EPG5: variants seen among roughly 807,000 people sequenced by gnomAD.
The protein encoded by EPG5 is ectopic P granules protein 5 homolog.
A neutral mutation model predicts 302.7 loss-of-function variants in EPG5; 159 were observed. That is an observed-to-expected ratio of 0.53 (90% CI 0.46 to 0.60). The LOEUF is 0.60. Ranked by LOEUF, EPG5 falls within the 20% of genes least tolerant of loss-of-function variation. EPG5 has a pLI of 0.00. For synonymous variants in EPG5, 1,158 were observed against 1,136.8 expected (o/e 1.02, Z -0.37); for missense variants, 2,896 against 3,092.4 (o/e 0.94, Z 1.51).
At chr18:45,903,262 T>C (rs536883253) in intron 25 of EPG5, among the ~76,000 whole-genome samples, 30 of 152,172 alleles carry the variant, frequency 2.0e-4, no homozygotes, top group Non-Finnish European at 2.5e-4. Context: ...GAAAAAAAAT[T>C]ATTGTTTCAA....
chr18:45,866,063 T>G (rs2048739733), intron 38 of EPG5, among the ~76,000 whole-genome samples: 1 of 152,090 alleles, frequency 6.6e-6, no homozygotes, highest in African/African-American at 2.4e-5. Flanking sequence ...TTCCAAAAAC[T>G]TTTATGTTCA....
intron 11 of EPG5, 112 bp from the exon 12 acceptor site, chr18:45,930,942 T>G (rs919888975): frequency 9.4e-7 from 1 of 1,064,084 alleles, no homozygotes; most frequent in African/African-American, 1.7e-5. Flanking sequence ...AAGGTCTTTC[T>G]TTGTTCCAAA....
intron 1 of EPG5, among the ~76,000 whole-genome samples, chr18:45,960,023 A>G (rs567091162): frequency 6.6e-6 from 1 of 152,180 alleles, no homozygotes; most frequent in South Asian, 2.1e-4. Context: ...AGTGGCTCAC[A>G]CGTGTAATCC....
At position 45,954,682 on chromosome 18, in the gene EPG5, C is replaced by G; in HGVS notation, c.720G>C (p.Glu240Asp). The change falls in exon 2 of 44, where the codon GAG becomes GAC. Residue 240 changes from glutamate to aspartate, a missense_variant. This residue lies in a region of EPG5 where 1,390 missense variants were observed against 1,430.0 expected (regional missense o/e 0.97). Coordinates refer to ENST00000282041, the MANE Select transcript of EPG5 (RefSeq NM_020964.3). ...GAGACGGGAGTTCTGGGTAGAGTCGCTCACTGCGAAGCAAGGGTTTCACTG... is the reference window on the plus strand; with the variant it reads ...GAGACGGGAGTTCTGGGTAGAGTCGGTCACTGCGAAGCAAGGGTTTCACTG... ...LVAVKPLLRS[E>D]RLYPELPSQL... is the part of the protein sequence containing the mutation. The G allele has an allele frequency of 1.2e-6, 2 of 1,614,240 alleles. No individual in the cohort carries two copies. Among genetic ancestry groups the G allele is most frequent in the South Asian group, 2.2e-5 (2 of 91,086 alleles).
intron 11 of EPG5, among the ~76,000 whole-genome samples, chr18:45,932,393 A>T (rs2145829351): frequency 6.6e-6 from 1 of 152,346 alleles, no homozygotes; most frequent in East Asian, 1.9e-4. Context: ...CCAAATTAAA[A>T]CAGACTGGTT....
chr18:45,842,082 C>G, the EPG5 span: 4 of 1,611,506 alleles, frequency 2.5e-6, no homozygotes, highest in South Asian at 4.4e-5. Context: ...TTTGGATGAT[C>G]ATTCAACTTT....
chr18:45,857,065 C>G (rs906016910), intron 42 of EPG5, among the ~76,000 whole-genome samples: 4 of 151,862 alleles, frequency 2.6e-5, no homozygotes, highest in Admixed American at 6.6e-5. Flanking sequence ...ACTACAGGTG[C>G]TTGCCACCAC....
Position 45,879,175 on chromosome 18 carries a change from T to C in EPG5, c.5707A>G (p.Lys1903Glu). ...AAGTCCATCTTGGATAACCGAAGCT[T>C]ATAAAAAAAGTCTGAAAGCCACTGT... ...TIQWLSDFFY[K>E]LRLSKMDFKS... Residue 1903 changes from lysine to glutamate, a missense_variant, in exon 33 of 44, where the codon AAG becomes GAG. Physicochemically the swap from Lys to Glu is moderately conservative, Grantham distance 56. Around this residue, in one of 5 missense-constraint regions of EPG5, gnomAD observed 790 missense variants for 798.0 expected, o/e 0.99. Transcript: ENST00000282041. 6 of 1,613,590 alleles carry C rather than the reference T, an allele frequency of 3.7e-6. No homozygotes were observed. Among genetic ancestry groups the C allele is most frequent in the Non-Finnish European group, 5.1e-6 (6 of 1,179,936 alleles).
the EPG5 span, among the ~76,000 whole-genome samples, chr18:45,827,186 G>C: frequency 6.6e-6 from 1 of 152,204 alleles, no homozygotes; most frequent in Non-Finnish European, 1.5e-5. Flanking sequence ...AAAGTGCTGA[G>C]ATTACAGGTG....
intron 16 of EPG5, among the ~76,000 whole-genome samples, chr18:45,919,836 C>T (rs985170833): frequency 1.3e-5 from 2 of 152,072 alleles, no homozygotes; most frequent in Non-Finnish European, 2.9e-5. Context: ...CTCACTTAAG[C>T]CTCATAAAGT....
At chr18:45,927,055 C>G (rs1266751288) in intron 13 of EPG5, among the ~76,000 whole-genome samples, 1 of 143,102 alleles carries the variant, frequency 7.0e-6, no homozygotes, top group Non-Finnish European at 1.5e-5. Context: ...TTTTTTGAGA[C>G]AGAGTCTCTA....
chr18:45,965,051 A>G (rs529274509), intron 1 of EPG5, among the ~76,000 whole-genome samples: 161 of 152,308 alleles, frequency 1.1e-3, no homozygotes, highest in African/African-American at 3.7e-3. Context: ...GTCTAACTCC[A>G]CTACAGCCGT....
At chr18:45,943,925 A>C in intron 8 of EPG5, 80 bp downstream of exon 8, 1 of 940,314 alleles carries the variant, frequency 1.1e-6, no homozygotes, top group Non-Finnish European at 1.7e-6. Flanking sequence ...CATCTCAAAA[A>C]AAAAAAGAAG....
intron 12 of EPG5, among the ~76,000 whole-genome samples, chr18:45,929,923 A>G (rs2050362402): frequency 6.6e-6 from 1 of 152,242 alleles, no homozygotes; most frequent in Non-Finnish European, 1.5e-5. Context: ...CCAAATAATC[A>G]TCTTCAAACA....
At chr18:45,908,794 C>CA (rs1423783014) in intron 23 of EPG5, among the ~76,000 whole-genome samples, 2 of 151,968 alleles carry the variant, frequency 1.3e-5, no homozygotes, top group East Asian at 3.9e-4. Context: ...ACTAAAAATA[C>CA]AAAAATGAGC....
the EPG5 span, among the ~76,000 whole-genome samples, chr18:45,801,847 G>C: frequency 6.6e-6 from 1 of 152,178 alleles, no homozygotes; most frequent in Non-Finnish European, 1.5e-5. Flanking sequence ...GGCAGTTACA[G>C]CCACCAGGGG....
chr18:45,939,636 A>G lies in EPG5; in HGVS notation c.2063T>C (p.Phe688Ser), dbSNP rs61978576. 778 of 1,614,148 alleles carry G rather than the reference A, an allele frequency of 4.8e-4. 4 individuals carry two copies. In the African/African-American group the frequency reaches 9.3e-3, roughly 19 times the overall value. ...CAGCACATGTAGGACAGCCCTCAAA[A>G]ACAGTTCATCAAATTCAACCTGTAG... is the stretch of plus-strand genomic sequence containing the variant. ...EKLQVEFDEL[F>S]LRAVLHVLKA... Residue 688 changes from phenylalanine to serine, a missense_variant, in exon 10 of 44, where the codon TTT (phenylalanine) becomes TCT (serine). Physicochemically the swap from Phe to Ser is radical, Grantham distance 155 (BLOSUM62 -2). Coordinates refer to ENST00000282041, the MANE Select transcript of EPG5 (RefSeq NM_020964.3).
At chr18:45,916,747 T>C in intron 17 of EPG5, 165 bp from the exon 18 acceptor site, 2 of 645,736 alleles carry the variant, frequency 3.1e-6, no homozygotes, top group Non-Finnish European at 2.5e-6. Flanking sequence ...ACATTTAACA[T>C]GGGTTAAAAG....
At position 45,859,463 on chromosome 18, in the gene EPG5, C is replaced by G. The variant is rs114693614; in HGVS notation, c.7009+641G>C. On this transcript the variant is annotated intron_variant, in intron 40 of 43. Coordinates refer to ENST00000282041, the MANE Select transcript of EPG5 (RefSeq NM_020964.3). ...GGATCCTTGCTCCGATACCCTCCTT[C>G]TCACTACTGCTTCTCTCCCACTGAC... 2.8e-3 allele frequency among the ~76,000 whole-genome samples: 424 copies of G among 152,306 alleles called. 6 individuals are homozygous for G. The highest frequency in any genetic ancestry group is 9.8e-3 in the African/African-American group (409 of 41,556).
Sources: gnomAD v4.1 joint callset for allele counts (sites outside exome capture counted in the v4.1 genomes callset) on GRCh38, gnomAD v4.1.1 for gene constraint, gnomAD v4.1.1 regional missense constraint, MANE v1.5 for transcripts, NCBI Gene and HGNC (gene_info 2026-07-23, HGNC 2026-07-21) for gene names.